Variants in ROBO2 observed in about 807,000 individuals in gnomAD.
ROBO2 encodes roundabout guidance receptor 2.
A neutral mutation model predicts 160.8 loss-of-function variants in ROBO2; 53 were observed. The ratio of observed to expected loss-of-function variants is 0.33; its 90% confidence interval spans 0.26 to 0.41. ROBO2 has a LOEUF of 0.41. Among genes scored for constraint, ROBO2 ranks in the 10% least tolerant of loss-of-function variants. The pLI, the probability that ROBO2 is intolerant of heterozygous loss-of-function variation, is 1.00. For missense variants in ROBO2, 1,577 were observed against 1,722.4 expected, an observed-to-expected ratio of 0.92 and a Z score of 1.49; for synonymous variants, 664 against 611.7, an observed-to-expected ratio of 1.09 and a Z score of -1.26.
intron 2 of ROBO2, among the ~76,000 whole-genome samples, chr3:77,362,927 G>A (rs2070260884): frequency 6.6e-6 from 1 of 152,060 alleles, no homozygotes; most frequent in African/African-American, 2.4e-5. Flanking sequence ...GGAAAAAGAT[G>A]CCCCCAAGAT....
At chr3:77,162,872 C>T (rs912750026) in intron 2 of ROBO2, among the ~76,000 whole-genome samples, 2 of 151,956 alleles carry the variant, frequency 1.3e-5, no homozygotes, top group Admixed American at 1.3e-4. Context: ...CTCTGTCTCC[C>T]AGGCTGGAGT....
At chr3:76,928,708 T>G (rs944571843) in intron 2 of ROBO2, among the ~76,000 whole-genome samples, 3 of 152,106 alleles carry the variant, frequency 2.0e-5, no homozygotes, top group Admixed American at 6.5e-5. Context: ...CTGGTTTTCT[T>G]CCTCTCTATC....
chr3:76,401,222 A>T (rs1440639921), intron 2 of ROBO2, among the ~76,000 whole-genome samples: 1 of 151,512 alleles, frequency 6.6e-6, no homozygotes, highest in Non-Finnish European at 1.5e-5. Context: ...ATGTAACTTT[A>T]TCTTGTAAAT....
At chr3:76,461,808 A>C in intron 2 of ROBO2, among the ~76,000 whole-genome samples, 1 of 152,166 alleles carries the variant, frequency 6.6e-6, no homozygotes, top group East Asian at 1.9e-4. Flanking sequence ...CATCCTTTTT[A>C]AATATTTTTC....
At chr3:76,306,274 C>T (rs1248993981) in intron 2 of ROBO2, among the ~76,000 whole-genome samples, 1 of 151,754 alleles carries the variant, frequency 6.6e-6, no homozygotes, top group Non-Finnish European at 1.5e-5. Flanking sequence ...TTTTCAAAAG[C>T]TTGGTGACAA....
At chr3:76,296,867 AAG>A (rs1474655804) in intron 2 of ROBO2, among the ~76,000 whole-genome samples, 1 of 152,200 alleles carries the variant, frequency 6.6e-6, no homozygotes, top group Non-Finnish European at 1.5e-5. Flanking sequence ...TGACAGGAAA[AAG>A]AGGAGGTTCA....
intron 2 of ROBO2, among the ~76,000 whole-genome samples, chr3:76,771,068 GT>G (rs1289009347): frequency 4.0e-5 from 6 of 151,230 alleles, no homozygotes; most frequent in African/African-American, 1.5e-4. Context: ...ATTAAATGCA[GT>G]TTTCTTTTAA....
At chr3:76,663,337 G>A (rs2091901834) in intron 2 of ROBO2, among the ~76,000 whole-genome samples, 1 of 152,156 alleles carries the variant, frequency 6.6e-6, no homozygotes. Flanking sequence ...ATATCCACAT[G>A]AACTGCATGG....
At chr3:77,243,931 C>T (rs1254937466) in intron 2 of ROBO2, among the ~76,000 whole-genome samples, 1 of 152,194 alleles carries the variant, frequency 6.6e-6, no homozygotes, top group African/African-American at 2.4e-5. Context: ...TCCTTATAGA[C>T]AAGGACCATA....
chr3:77,033,203 G>A (rs2063429244), intron 2 of ROBO2, among the ~76,000 whole-genome samples: 1 of 152,098 alleles, frequency 6.6e-6, no homozygotes, highest in South Asian at 2.1e-4. Flanking sequence ...CTCTATCTCA[G>A]TATTCTCTAT....
chr3:76,628,117 T>G (rs2089782765), intron 2 of ROBO2, among the ~76,000 whole-genome samples: 2 of 152,222 alleles, frequency 1.3e-5, no homozygotes, highest in African/African-American at 2.4e-5. Flanking sequence ...TTCTAAGCTT[T>G]AAATACATCT....
chr3:75,981,691 C>G (rs1397929963), intron 2 of ROBO2, among the ~76,000 whole-genome samples: 2 of 151,142 alleles, frequency 1.3e-5, no homozygotes, highest in African/African-American at 2.4e-5. Context: ...TATTTTGATA[C>G]AAGCATGCAA....
At chr3:77,586,560 ATTAGTC>A (rs1355580694) in intron 16 of ROBO2, among the ~76,000 whole-genome samples, 3 of 152,090 alleles carry the variant, frequency 2.0e-5, no homozygotes, top group Admixed American at 2.0e-4. Flanking sequence ...CTATGCTCTA[ATTAGTC>A]CAACTGACAA....
intron 2 of ROBO2, among the ~76,000 whole-genome samples, chr3:76,433,430 C>T (rs1176232663): frequency 6.6e-6 from 1 of 151,968 alleles, no homozygotes; most frequent in Non-Finnish European, 1.5e-5. Context: ...ACTGAGTGTC[C>T]AGTATTTTAT....
At chr3:76,110,219 G>A (rs530944303) in intron 2 of ROBO2, among the ~76,000 whole-genome samples, 15 of 152,064 alleles carry the variant, frequency 9.9e-5, no homozygotes, top group African/African-American at 2.9e-4. Context: ...TAGACGTGAT[G>A]GCAAACCTTC....
chr3:76,130,490 A>G (rs544261717), intron 2 of ROBO2, among the ~76,000 whole-genome samples: 1 of 152,242 alleles, frequency 6.6e-6, no homozygotes, highest in South Asian at 2.1e-4. Flanking sequence ...ATATAAATTT[A>G]CAGAACTTAG....
rs1423861709 is a variant in ROBO2 at position 77,533,311 on chromosome 3, T to C, written c.934+10409T>C. Among the ~76,000 whole-genome samples, 3 of 152,128 alleles carry C rather than the reference T, an allele frequency of 2.0e-5. No individual in the cohort carries two copies. In the South Asian group the frequency reaches 6.2e-4, roughly 31 times the overall value. On this transcript the variant is annotated intron_variant, in intron 6 of 25. Coordinates refer to ENST00000461745, the Ensembl canonical transcript of ROBO2. ...ATAATAAGGATGGTTTTCAGGTGTG[T>C]CAGTTTTCTATTGTTGCATAAAAAT... is the stretch of plus-strand genomic sequence containing the variant.
At chr3:76,241,633 T>C (rs1705292213) in intron 2 of ROBO2, among the ~76,000 whole-genome samples, 1 of 152,154 alleles carries the variant, frequency 6.6e-6, no homozygotes, top group South Asian at 2.1e-4. Context: ...AGATGAAAAA[T>C]ATGTTTCTGC....
At chr3:77,289,013 G>T (rs1295384723) in intron 2 of ROBO2, among the ~76,000 whole-genome samples, 3 of 152,118 alleles carry the variant, frequency 2.0e-5, no homozygotes, top group African/African-American at 7.2e-5. Flanking sequence ...TTTGGGCATT[G>T]GTGAGTTTTG....
Sources: allele counts gnomAD v4.1 joint callset (sites outside exome capture counted in the v4.1 genomes callset), GRCh38; gene constraint gnomAD v4.1.1; transcripts MANE v1.5; gene names NCBI Gene and HGNC (gene_info 2026-07-23, HGNC 2026-07-21).